Variants in KCNN3 observed in about 807,000 individuals in gnomAD.
KCNN3 encodes small conductance calcium-activated potassium channel protein 3.
KCNN3 carries 16 observed loss-of-function variants against 62.9 expected under a neutral mutation model. The ratio of observed to expected loss-of-function variants is 0.25; its 90% CI spans 0.17 to 0.39. The LOEUF (loss-of-function observed/expected upper bound fraction) is 0.39, where lower values mean the gene tolerates loss of function less well. Among genes scored for constraint, KCNN3 ranks in the 10% least tolerant of loss-of-function variants. KCNN3 has a pLI of 1.00. For missense variants in KCNN3, 599 were observed against 949.4 expected (o/e 0.63, Z 4.85); for synonymous variants, 370 against 389.2 (o/e 0.95, Z 0.58).
chr1:154,749,667 G>A (rs1252067576), intron 3 of KCNN3, among the ~76,000 whole-genome samples: 1 of 152,110 alleles, frequency 6.6e-6, no homozygotes, highest in Non-Finnish European at 1.5e-5. Context: ...GTAGCCCCCA[G>A]GGAATCAGAG....
At chr1:154,857,545 C>T (rs1470678269) in intron 1 of KCNN3, among the ~76,000 whole-genome samples, 1 of 152,128 alleles carries the variant, frequency 6.6e-6, no homozygotes, top group Admixed American at 6.6e-5. Context: ...GAGTGGAGAG[C>T]TCAGGCAGGG....
At position 154,746,062 on chromosome 1, in the gene KCNN3, G is replaced by A. The variant is rs150791465; in HGVS notation, c.1449-12918C>T. ...AGCAGTAAAACCTTGCACGGGACTA[G>A]TGAAAAATATAAAACTCTGCATAGT... On this transcript the variant is annotated intron_variant, in intron 3 of 7. Coordinates refer to ENST00000271915, the MANE Select transcript of KCNN3 (RefSeq NM_002249.6). Among the ~76,000 whole-genome samples the A allele has an allele frequency of 8.8e-3, 1,334 of 152,304 alleles. 20 individuals carry two copies. Among genetic ancestry groups the A allele is most frequent in the African/African-American group, 0.03 (1,254 of 41,554 alleles).
chr1:154,715,049 TA>T (rs1557938921), intron 5 of KCNN3, 46 bp from the exon 6 acceptor site: 1 of 1,611,036 alleles, frequency 6.2e-7, no homozygotes, highest in South Asian at 1.1e-5. Flanking sequence ...TTCATTTTCT[TA>T]GGTTCATTTT....
intron 3 of KCNN3, among the ~76,000 whole-genome samples, chr1:154,734,623 G>A (rs754310069): frequency 1.3e-5 from 2 of 151,950 alleles, no homozygotes. Flanking sequence ...ATGTGTAGAT[G>A]CATCTAGAGA....
At position 154,869,817 on chromosome 1, in the gene KCNN3, C is replaced by T; in HGVS notation, c.148G>A (p.Ala50Thr). The T allele has an allele frequency of 6.4e-7, 1 of 1,558,768 alleles. No homozygotes were observed. Among genetic ancestry groups the T allele is most frequent in the East Asian group, 2.4e-5 (1 of 41,316 alleles). ...QQPPPPAPPA[A>T]PQQPLGPSLQ... ...GAGGGTCCCAGGGGCTGCTGGGGGGCTGCTGGTGGCGCTGGCGGTGGTGGC... is the reference window on the plus strand; with the variant it reads ...GAGGGTCCCAGGGGCTGCTGGGGGGTTGCTGGTGGCGCTGGCGGTGGTGGC... The change falls in exon 1 of 8, where the codon GCC becomes ACC. Residue 50 changes from alanine to threonine, a missense_variant. Coordinates refer to ENST00000271915, the MANE Select transcript of KCNN3 (RefSeq NM_002249.6). The surrounding 1 kb of genome is among the most constrained non-coding windows in gnomAD (Gnocchi z 6.1).
At chr1:154,711,934 G>T (rs1700085383) in intron 7 of KCNN3, among the ~76,000 whole-genome samples, 1 of 151,864 alleles carries the variant, frequency 6.6e-6, no homozygotes, top group African/African-American at 2.4e-5. Flanking sequence ...GACAGGGAAA[G>T]GGAGAGGAAG....
At chr1:154,719,294 C>A (rs772913747) in intron 5 of KCNN3, among the ~76,000 whole-genome samples, 1 of 152,018 alleles carries the variant, frequency 6.6e-6, no homozygotes, top group Non-Finnish European at 1.5e-5. Flanking sequence ...GAGGCCTGGC[C>A]GGTGGGTGTG....
rs1433134398 is a variant in KCNN3 at position 154,705,824 on chromosome 1, C to A, written c.*2152G>T. On this transcript the variant is annotated 3_prime_UTR_variant, in exon 8 of 8. Transcript: ENST00000271915. Reference sequence around the variant, plus strand: ...TAGGTTTAAATGATCAGGATTGGCACACTCAGATCAGCCCACCAGTGGTCT... The same window carrying A: ...TAGGTTTAAATGATCAGGATTGGCAAACTCAGATCAGCCCACCAGTGGTCT... 1 of 152,190 alleles carries A rather than the reference C, an allele frequency of 6.6e-6. No individual in the cohort carries two copies. Among genetic ancestry groups the A allele is most frequent in the Non-Finnish European group, 1.5e-5 (1 of 68,054 alleles). 9.4% of individuals were successfully genotyped at this position (152,190 alleles called of 1,614,324 possible).
intron 2 of KCNN3, among the ~76,000 whole-genome samples, chr1:154,821,295 A>G (rs762890909): frequency 6.6e-6 from 1 of 152,226 alleles, no homozygotes; most frequent in Non-Finnish European, 1.5e-5. Context: ...CCAGATTCAC[A>G]TGCACATGAG....
intron 3 of KCNN3, among the ~76,000 whole-genome samples, chr1:154,749,545 G>A (rs1161643535): frequency 2.6e-5 from 4 of 152,232 alleles, no homozygotes; most frequent in South Asian, 4.1e-4. Context: ...AGGGCAGGAC[G>A]TGGGAGCTCT....
intron 3 of KCNN3, among the ~76,000 whole-genome samples, chr1:154,735,225 A>C (rs1165301981): frequency 6.6e-6 from 1 of 152,188 alleles, no homozygotes; most frequent in Non-Finnish European, 1.5e-5. Context: ...GCTGGGACAG[A>C]GACGCAGGCC....
At chr1:154,864,632 G>A (rs900001459) in intron 1 of KCNN3, among the ~76,000 whole-genome samples, 1 of 152,250 alleles carries the variant, frequency 6.6e-6, no homozygotes, top group East Asian at 1.9e-4. Context: ...TGAAGAAAGA[G>A]TAACTAGAAG....
At chr1:154,734,797 A>AGTATTT (rs1700675769) in intron 3 of KCNN3, among the ~76,000 whole-genome samples, 1 of 152,236 alleles carries the variant, frequency 6.6e-6, no homozygotes, top group South Asian at 2.1e-4. Context: ...CAGTCTTTAA[A>AGTATTT]GTATTTCCCA....
At chr1:154,760,221 C>T (rs1273962567) in intron 3 of KCNN3, among the ~76,000 whole-genome samples, 1 of 151,748 alleles carries the variant, frequency 6.6e-6, no homozygotes, top group Non-Finnish European at 1.5e-5. Context: ...GAGATATCAG[C>T]CATTACTTAT....
At chr1:154,845,631 G>C (rs1652023558) in intron 1 of KCNN3, among the ~76,000 whole-genome samples, 1 of 152,144 alleles carries the variant, frequency 6.6e-6, no homozygotes, top group Admixed American at 6.5e-5. Context: ...GTGTGGCATG[G>C]GGCCCTGCAA....
intron 3 of KCNN3, among the ~76,000 whole-genome samples, chr1:154,766,684 GT>G (rs538280656): frequency 0.029 from 3,978 of 135,356 alleles, 186 homozygotes; most frequent in African/African-American, 0.1. Flanking sequence ...TTTGGGGTTT[GT>G]TTTTTTTTTT....
At chr1:154,783,365 A>G (rs1476245906) in intron 2 of KCNN3, among the ~76,000 whole-genome samples, 1 of 152,244 alleles carries the variant, frequency 6.6e-6, no homozygotes, top group Non-Finnish European at 1.5e-5. Flanking sequence ...GGAAACCCAC[A>G]TCGTTATCTG....
At chr1:154,818,825 G>C (rs1180478965) in intron 2 of KCNN3, among the ~76,000 whole-genome samples, 1 of 152,216 alleles carries the variant, frequency 6.6e-6, no homozygotes, top group Non-Finnish European at 1.5e-5. Flanking sequence ...AAAAACTCAA[G>C]CCATCTAAAT....
At chr1:154,847,110 C>A (rs1429020180) in intron 1 of KCNN3, among the ~76,000 whole-genome samples, 2 of 152,022 alleles carry the variant, frequency 1.3e-5, no homozygotes, top group Non-Finnish European at 2.9e-5. Flanking sequence ...CCCCTGCCTG[C>A]CCTCACTTGT....
Sources: allele counts gnomAD v4.1 joint callset (sites outside exome capture counted in the v4.1 genomes callset), GRCh38; gene constraint gnomAD v4.1.1; non-coding constraint Gnocchi (gnomAD v3.1); transcripts MANE v1.5; gene names NCBI Gene and HGNC (gene_info 2026-07-23, HGNC 2026-07-21).